Variants in MYOM3 observed in about 807,000 individuals in gnomAD.
The protein encoded by MYOM3 is myomesin 3.
A neutral mutation model predicts 191.7 loss-of-function variants in MYOM3; 155 were observed. That is an observed-to-expected ratio of 0.81 (90% CI 0.71 to 0.92). The LOEUF is 0.92. Ranked by LOEUF, MYOM3 falls within the 40% of genes least tolerant of loss-of-function variation. The pLI, the probability that MYOM3 is intolerant of heterozygous loss-of-function variation, is 0.00. For missense variants in MYOM3, 1,889 were observed against 1,890.6 expected, an observed-to-expected ratio of 1.00 and a Z score of 0.02; for synonymous variants, 757 against 762.9, an observed-to-expected ratio of 0.99 and a Z score of 0.13.
At chr1:24,086,948 G>T in intron 14 of MYOM3, 121 bp from the exon 15 acceptor site, 2 of 1,028,570 alleles carry the variant, frequency 1.9e-6, no homozygotes, top group Non-Finnish European at 2.8e-6. Flanking sequence ...ACTCAGCCCA[G>T]GCTGCCCCTG....
chr1:24,064,741 C>T (rs995160653), intron 29 of MYOM3, among the ~76,000 whole-genome samples: 1 of 152,234 alleles, frequency 6.6e-6, no homozygotes. Flanking sequence ...CACCTTCCTT[C>T]AGCCCTCATC....
chr1:24,108,334 C>G, intron 2 of MYOM3, 142 bp downstream of exon 2: 3 of 966,908 alleles, frequency 3.1e-6, no homozygotes, highest in South Asian at 1.8e-5. Context: ...GTGTCTCCCC[C>G]CTCAGACAGG....
chr1:24,086,913 C>A, intron 14 of MYOM3, 86 bp from the exon 15 acceptor site: 1 of 1,385,894 alleles, frequency 7.2e-7, no homozygotes. Context: ...CTGTCCCCAG[C>A]CCGTGTGCTC....
chr1:24,081,019 T>C lies in MYOM3; in HGVS notation c.2407+311A>G, dbSNP rs1370323568. ...GCAAACCAGGACTAGTTACTCACCC[T>C]AGCAGTGCACCTTTGGGGCTGGAGA... On this transcript the variant is annotated intron_variant, in intron 19 of 36. Transcript: ENST00000374434. Among the ~76,000 whole-genome samples, 3 of 152,338 alleles carry C rather than the reference T, an allele frequency of 2.0e-5. No homozygotes were observed. The East Asian group carries it at 5.8e-4, about 29-fold the overall frequency.
At position 24,057,028 on chromosome 1, in the gene MYOM3, G is replaced by A. The variant is rs1009932206; in HGVS notation, c.*336C>T. The A allele has an allele frequency of 2.5e-4, 65 of 264,970 alleles. No individual in the cohort carries two copies. The highest frequency in any genetic ancestry group is 4.3e-4 in the Non-Finnish European group (60 of 139,994). The allele number at this position is 264,970 out of a possible 1,614,324, so 16.4% of individuals were successfully genotyped here. On this transcript the variant is annotated 3_prime_UTR_variant, in exon 37 of 37. Coordinates refer to ENST00000374434, the MANE Select transcript of MYOM3 (RefSeq NM_152372.4). ...CTTGGCACTTTTGACATCTGGGGTC[G>A]GATAATTCTATGTGGTGGGAGCTGC...
Position 24,080,035 on chromosome 1 carries a change from A to C in MYOM3, c.2567T>G (p.Ile856Ser). Residue 856 changes from isoleucine (I) to serine (S), a missense_variant, in exon 20 of 37, where the codon ATC (isoleucine) becomes AGC (serine). Physicochemically the swap from Ile to Ser is moderately radical, Grantham distance 142. Coordinates refer to ENST00000374434, the MANE Select transcript of MYOM3 (RefSeq NM_152372.4). Reference sequence around the variant, plus strand: ...ACTTACCCTCAGGTGGGTGCCAGAGATGGGGCCTGGGGTGACCGGCTTCCA... The same window carrying C: ...ACTTACCCTCAGGTGGGTGCCAGAGCTGGGGCCTGGGGTGACCGGCTTCCA... ...EQWKPVTPGPISGTHLRVSDL... is the reference protein window; with the variant it reads ...EQWKPVTPGPSSGTHLRVSDL... The C allele has an allele frequency of 6.2e-7, 1 of 1,611,916 alleles. No individual in the cohort carries two copies. Among genetic ancestry groups the C allele is most frequent in the Non-Finnish European group, 8.5e-7 (1 of 1,179,114 alleles).
At chr1:24,105,799 TG>T in intron 5 of MYOM3, 120 bp downstream of exon 5, 2 of 1,027,108 alleles carry the variant, frequency 1.9e-6, no homozygotes, top group Non-Finnish European at 1.4e-6. Context: ...CTCTATTCGG[TG>T]GGTGGACAGA....
intron 24 of MYOM3, 73 bp from the exon 25 acceptor site, chr1:24,071,326 T>G: frequency 6.6e-7 from 1 of 1,521,812 alleles, no homozygotes; most frequent in Non-Finnish European, 8.9e-7. Flanking sequence ...AGCCCCACCT[T>G]GAGCACACCC....
chr1:24,080,172 TG>T lies in MYOM3; in HGVS notation c.2429del (p.Ala810AspfsTer52). 6.2e-7 allele frequency: 1 copy of T among 1,613,188 alleles called. No individual in the cohort carries two copies. The highest frequency in any genetic ancestry group is 8.5e-7 in the Non-Finnish European group (1 of 1,179,552). On this transcript the variant is annotated frameshift_variant, in exon 20 of 37. Transcript: ENST00000374434. LOFTEE classifies it high-confidence loss of function. ...CCAGGGATGTGGCCCGCACCTCGGA[TG>T]CCCGTACATCGTACGGGGGGCCTGT... ...PQPGPPYDVRASEVRATSLVL... is the reference protein window; with the variant it reads ...PQPGPPYDVRXSEVRATSLVL...
At chr1:24,065,642 T>C in intron 29 of MYOM3, 1 of 548,216 alleles carries the variant, frequency 1.8e-6, no homozygotes, top group South Asian at 2.0e-5. Flanking sequence ...GTAATACTGA[T>C]TCTGTCTCTA....
In MYOM3 at chr1:24,068,291, C is replaced by A. The variant is rs775500149; in HGVS notation, c.3227G>T (p.Gly1076Val). 1.2e-6 allele frequency: 2 copies of A among 1,614,136 alleles called. No individual in the cohort carries two copies. The highest frequency in any genetic ancestry group is 1.7e-6 in the Non-Finnish European group (2 of 1,180,010). The change falls in exon 26 of 37, where the codon GGG (glycine) becomes GTG (valine). Residue 1076 changes from glycine to valine, a missense_variant. By Grantham distance (109) the Gly-to-Val change is moderately radical. Coordinates refer to ENST00000374434, the MANE Select transcript of MYOM3 (RefSeq NM_152372.4). The stretch of plus-strand genomic sequence containing the variant: ...ATCTTGGAGTTGAGCGGTGTACGAC[C>A]CTTTGTCCTCCTCAGACAAGTTCTG... Reference protein sequence around the residue: ...IIQNLSEEDKGSYTAQLQDGK... With the variant: ...IIQNLSEEDKVSYTAQLQDGK...
At chr1:24,109,621 C>G (rs1644022217) in intron 1 of MYOM3, among the ~76,000 whole-genome samples, 1 of 152,256 alleles carries the variant, frequency 6.6e-6, no homozygotes, top group Non-Finnish European at 1.5e-5. Flanking sequence ...TGAGAACTTA[C>G]TATGTTCCAT....
chr1:24,092,110 G>A lies in MYOM3; in HGVS notation c.1232+64C>T. On this transcript the variant is annotated intron_variant, in intron 11 of 36. Transcript: ENST00000374434. Reference sequence around the variant, plus strand: ...TCAGACATGGGGCCTCCTCTTTGCTGTGGCTCCCACCACCAGACAGAATTC... The same window carrying A: ...TCAGACATGGGGCCTCCTCTTTGCTATGGCTCCCACCACCAGACAGAATTC... 3 of 1,372,080 alleles carry A rather than the reference G, an allele frequency of 2.2e-6. No homozygotes were observed. The South Asian group carries it at 5.7e-5, about 26-fold the overall frequency. The allele number at this position is 1,372,080 out of a possible 1,614,324, so 85.0% of individuals were successfully genotyped here.
Position 24,068,068 on chromosome 1 carries a change from G to C in MYOM3, c.3296-39C>G, listed in dbSNP as rs373041959. The C allele has an allele frequency of 3.3e-3, 5,266 of 1,611,306 alleles. 233 individuals carry two copies. The South Asian group carries it at 0.055, about 17-fold the overall frequency. ...GGGAGGAACTGGCATGAGCCGAGAGGAGTGTGGGTCTGGAGAGGGGACATG... is the reference window on the plus strand; with the variant it reads ...GGGAGGAACTGGCATGAGCCGAGAGCAGTGTGGGTCTGGAGAGGGGACATG... On this transcript the variant is annotated intron_variant, in intron 26 of 36. Coordinates refer to ENST00000374434, the MANE Select transcript of MYOM3 (RefSeq NM_152372.4).
Position 24,064,075 on chromosome 1 carries a change from C to T in MYOM3, c.3619G>A (p.Asp1207Asn), listed in dbSNP as rs750705053. 6.2e-7 allele frequency: 1 copy of T among 1,613,706 alleles called. No homozygotes were observed. Among genetic ancestry groups the T allele is most frequent in the Non-Finnish European group, 8.5e-7 (1 of 1,179,650 alleles). ...CTGACCCATCGCCAGCTCCTACCGT[C>T]ACCCGTGAGGTCCAATATGGTGTCG... ...EDDTILDLTG[D>N]ALDAIFTELG... The change falls in exon 30 of 37, where the codon GAC (aspartate) becomes AAC (asparagine). Residue 1207 changes from aspartate to asparagine, a missense_variant. Asp to Asn is a conservative substitution (Grantham distance 23). Transcript: ENST00000374434.
chr1:24,106,727 C>T (rs1444663392), intron 4 of MYOM3, among the ~76,000 whole-genome samples: 1 of 152,054 alleles, frequency 6.6e-6, no homozygotes, highest in East Asian at 1.9e-4. Context: ...GGATTACAGG[C>T]CCAGGTAATT....
chr1:24,089,771 A>C (rs1643792788), intron 13 of MYOM3, 106 bp from the exon 14 acceptor site: 1 of 1,327,816 alleles, frequency 7.5e-7, no homozygotes, highest in Admixed American at 2.5e-5. Flanking sequence ...CCCATCCCCC[A>C]GAGAGGGGCA....
rs1643682643 is a variant in MYOM3, at chr1:24,082,399, G to A, written c.2092+194C>T. 5.4e-6 allele frequency: 5 copies of A among 922,312 alleles called. No individual in the cohort carries two copies. In the South Asian group the frequency reaches 7.7e-5, roughly 14 times the overall value. 57.1% of individuals were successfully genotyped at this position (922,312 alleles called of 1,614,324 possible). A position where few individuals can be genotyped will look rare whatever the true frequency, so the allele number is the denominator to read the frequency against. ...TTCCCCACCCCCCAGAGCTGCTCAG[G>A]CCCCATCCCATGGCCTCAAGCCATG... On this transcript the variant is annotated intron_variant, in intron 17 of 36. Coordinates refer to ENST00000374434, the MANE Select transcript of MYOM3 (RefSeq NM_152372.4).
chr1:24,084,443 G>T, intron 16 of MYOM3, 25 bp downstream of exon 16: 1 of 1,613,002 alleles, frequency 6.2e-7, no homozygotes, highest in Non-Finnish European at 8.5e-7. Context: ...TGTGAGAACA[G>T]ACTGATACGG....
Sources: gnomAD v4.1 joint callset for allele counts (sites outside exome capture counted in the v4.1 genomes callset) on GRCh38, gnomAD v4.1.1 for gene constraint, MANE v1.5 for transcripts, NCBI Gene and HGNC (gene_info 2026-07-23, HGNC 2026-07-21) for gene names.